The following RIN2 variants were observed in gnomAD, a reference collection of about 807,000 sequenced individuals.
The protein encoded by RIN2 is RAB5 interacting protein 2.
In RIN2, 36 loss-of-function variants were observed where a neutral mutation model predicts 78.0. That is an observed-to-expected ratio of 0.46 (90% CI 0.35 to 0.61). The LOEUF is 0.61. RIN2 is among the 20% of genes least tolerant of loss of function. The pLI is 0.00. For missense variants in RIN2, 1,087 were observed against 1,159.7 expected (o/e 0.94, Z 0.91); for synonymous variants, 466 against 466.8 (o/e 1.00, Z 0.02).
chr20:19,976,838 G>GTCTCTC (rs57267974), intron 9 of RIN2, among the ~76,000 whole-genome samples: 18 of 151,184 alleles, frequency 1.2e-4, no homozygotes, highest in African/African-American at 3.6e-4. Flanking sequence ...CTCTTTCTCT[G>GTCTCTC]TCTCTCTCTC....
At chr20:19,816,445 T>C (rs1229066386) in intron 2 of RIN2, among the ~76,000 whole-genome samples, 6 of 152,154 alleles carry the variant, frequency 3.9e-5, no homozygotes, top group African/African-American at 1.2e-4. Flanking sequence ...GTTTAAGGAA[T>C]TGGAGCAGTT....
At chr20:19,999,192 G>C (rs1342285628) in intron 12 of RIN2, among the ~76,000 whole-genome samples, 1 of 152,146 alleles carries the variant, frequency 6.6e-6, no homozygotes, top group Non-Finnish European at 1.5e-5. Flanking sequence ...CCACGTCCTA[G>C]CTGTGTGGCT....
In RIN2 at chr20:19,975,246, T is replaced by C. The variant is rs1305754442; in HGVS notation, c.1221T>C (p.Asp407=). The C allele has an allele frequency of 3.2e-6, 5 of 1,583,380 alleles. No individual in the cohort carries two copies. The African/African-American group carries it at 4.0e-5, about 13-fold the overall frequency. ...GGAPPEAAPG[D]CTRAPPPSSE... Reference sequence around the variant, plus strand: ...CCCCGCCTGAGGCCGCCCCGGGGGATTGCACAAGGGCCCCGCCGCCCAGCT... The same window carrying C: ...CCCCGCCTGAGGCCGCCCCGGGGGACTGCACAAGGGCCCCGCCGCCCAGCT... Residue 407 remains aspartate (D), a synonymous_variant, in exon 9 of 13, where the codon GAT becomes GAC. Coordinates refer to ENST00000255006, the MANE Select transcript of RIN2 (RefSeq NM_018993.4). This position sits in a 1 kb window ranked among gnomAD's most constrained non-coding sequence, Gnocchi z 4.9.
chr20:19,926,163 C>T (rs1037371721), intron 3 of RIN2, among the ~76,000 whole-genome samples: 1 of 152,144 alleles, frequency 6.6e-6, no homozygotes, highest in Non-Finnish European at 1.5e-5. Context: ...AAACTGATAA[C>T]AGTGGTTACA....
rs143363946 is a variant in RIN2, at chr20:19,866,651, G to A, written c.-36-22915G>A. On this transcript the variant is annotated intron_variant, in intron 2 of 12. Transcript: ENST00000255006. ...TTTATTTTATTTATTTTGAGACAGA[G>A]TCTTCCTGTGTCACCCAGGCGGGAG... is the stretch of plus-strand genomic sequence containing the variant. 9.0e-3 allele frequency among the ~76,000 whole-genome samples: 1,369 copies of A among 152,226 alleles called. 24 individuals are homozygous for A. The highest frequency in any genetic ancestry group is 0.031 in the African/African-American group (1,306 of 41,530).
At chr20:19,799,856 G>C (rs1258858894) in intron 2 of RIN2, 109 bp downstream of exon 2, 1 of 152,202 alleles carries the variant, frequency 6.6e-6, no homozygotes, top group Non-Finnish European at 1.5e-5. Context: ...TGTGATATGT[G>C]GTCGTGGAAG....
chr20:19,904,396 G>A (rs971289380), intron 3 of RIN2, among the ~76,000 whole-genome samples: 2 of 151,984 alleles, frequency 1.3e-5, no homozygotes, highest in African/African-American at 2.4e-5. Context: ...CTGGGCACCG[G>A]GTATGCGGTG....
At chr20:19,888,500 C>G (rs117161703) in intron 2 of RIN2, among the ~76,000 whole-genome samples, 5,247 of 152,320 alleles carry the variant, frequency 0.034, 104 homozygotes, top group East Asian at 0.065. Flanking sequence ...GCAGCAGCAG[C>G]TGCCTTAGCT....
chr20:19,982,530 A>C (rs2235890), intron 9 of RIN2, among the ~76,000 whole-genome samples: 58,533 of 152,068 alleles, frequency 0.38, 13,539 homozygotes, highest in African/African-American at 0.64. Context: ...GTCAGGGGCG[A>C]GTGGTGGCTC....
intron 3 of RIN2, among the ~76,000 whole-genome samples, chr20:19,921,061 C>G (rs1296080125): frequency 6.6e-6 from 1 of 152,162 alleles, no homozygotes; most frequent in Non-Finnish European, 1.5e-5. Flanking sequence ...TGCCACTGAT[C>G]AGGGGTGCCG....
chr20:19,942,244 T>C (rs1454463509), intron 4 of RIN2, among the ~76,000 whole-genome samples: 1 of 151,846 alleles, frequency 6.6e-6, no homozygotes, highest in East Asian at 1.9e-4. Flanking sequence ...TGTAACGAAA[T>C]GGGACATAAT....
intron 4 of RIN2, among the ~76,000 whole-genome samples, chr20:19,937,722 A>G (rs2040703800): frequency 6.6e-6 from 1 of 152,252 alleles, no homozygotes; most frequent in East Asian, 1.9e-4. Flanking sequence ...AAGTCCAGTG[A>G]TCAGAATGTT....
At chr20:19,982,176 T>C (rs2235893) in intron 9 of RIN2, among the ~76,000 whole-genome samples, 58,763 of 151,948 alleles carry the variant, frequency 0.39, 13,701 homozygotes, top group African/African-American at 0.65. Flanking sequence ...GCTTACGAGG[T>C]GTCAGATGCA....
At position 19,969,802 on chromosome 20, in the gene RIN2, A is replaced by T. The variant is rs1018882998; in HGVS notation, c.537-1036A>T. Among the ~76,000 whole-genome samples the T allele has an allele frequency of 3.3e-5, 5 of 152,292 alleles. 1 individual carries two copies. The highest frequency in any genetic ancestry group is 6.5e-5 in the Admixed American group (1 of 15,310). ...AACAAACAAACCCTCCTTTTTGATT[A>T]AGTCACCATATTTATTGAATATTCA... On this transcript the variant is annotated intron_variant, in intron 7 of 12. Coordinates refer to ENST00000255006, the MANE Select transcript of RIN2 (RefSeq NM_018993.4).
intron 1 of RIN2, among the ~76,000 whole-genome samples, chr20:19,776,798 T>C (rs2034327767): frequency 6.6e-6 from 1 of 152,052 alleles, no homozygotes; most frequent in African/African-American, 2.4e-5. Context: ...CCCCTTCCCT[T>C]CCGATTTTCC....
chr20:19,855,371 G>T (rs2037131113), intron 2 of RIN2, among the ~76,000 whole-genome samples: 3 of 151,954 alleles, frequency 2.0e-5, no homozygotes, highest in Admixed American at 6.6e-5. Context: ...GTCAGGCTTT[G>T]GTATCAGGAT....
intron 3 of RIN2, chr20:19,934,596 A>T: frequency 5.1e-6 from 5 of 984,402 alleles, no homozygotes; most frequent in Non-Finnish European, 6.0e-6. Context: ...ACAAGAAATC[A>T]TTTTGATGTC....
At chr20:19,965,379 T>TGCGCACACACACCTACAC (rs2146279310) in intron 7 of RIN2, among the ~76,000 whole-genome samples, 1 of 152,118 alleles carries the variant, frequency 6.6e-6, no homozygotes, top group Admixed American at 6.5e-5. Flanking sequence ...CACACATACA[T>TGCGCACACACACCTACAC]GCGCACACAC....
chr20:19,993,902 G>C (rs1249035327), intron 11 of RIN2, among the ~76,000 whole-genome samples: 1 of 152,190 alleles, frequency 6.6e-6, no homozygotes, highest in Non-Finnish European at 1.5e-5. Context: ...AGAGCTCTTA[G>C]GGCTTTGGGG....
Sources: allele counts gnomAD v4.1 joint callset (sites outside exome capture counted in the v4.1 genomes callset), GRCh38; gene constraint gnomAD v4.1.1; non-coding constraint Gnocchi (gnomAD v3.1); transcripts MANE v1.5; gene names NCBI Gene and HGNC (gene_info 2026-07-23, HGNC 2026-07-21).